The following TXNL1 variants were observed in gnomAD, a reference collection of about 807,000 sequenced individuals.
TXNL1 encodes the protein thioredoxin like 1, also known as thioredoxin-like protein 1.
TXNL1 carries 14 observed loss-of-function variants against 35.5 expected under a neutral mutation model. That is an observed-to-expected ratio of 0.39 (90% CI 0.26 to 0.62). The LOEUF (loss-of-function observed/expected upper bound fraction) is 0.62. Ranked by LOEUF, TXNL1 falls within the 20% of genes least tolerant of loss-of-function variation. The probability of loss-of-function intolerance (pLI) is 0.47; values close to 1 mark genes in which losing one functional copy is unlikely to be tolerated. For missense variants in TXNL1, 263 were observed against 349.7 expected (o/e 0.75, Z 1.98); for synonymous variants, 110 against 115.5 (o/e 0.95, Z 0.31).
intron 5 of TXNL1, among the ~76,000 whole-genome samples, chr18:56,615,477 G>GA (rs916854759): frequency 2.0e-5 from 3 of 148,240 alleles, no homozygotes; most frequent in Non-Finnish European, 1.5e-5. Flanking sequence ...AAATGGGGGG[G>GA]GGCAAAAAAG....
At chr18:56,638,281 A>C in intron 1 of TXNL1, 62 bp downstream of exon 1, 3 of 1,503,486 alleles carry the variant, frequency 2.0e-6, no homozygotes, top group Non-Finnish European at 2.7e-6. Flanking sequence ...AGGGCCAACA[A>C]AGAGTGAAAG....
At position 56,614,971 on chromosome 18, in the gene TXNL1, T is replaced by C. The variant is rs1255674843; in HGVS notation, c.563-375A>G. Among the ~76,000 whole-genome samples the C allele has an allele frequency of 5.3e-5, 8 of 152,194 alleles. No individual in the cohort carries two copies. The East Asian group carries it at 9.6e-4, about 18-fold the overall frequency. On this transcript the variant is annotated intron_variant, in intron 5 of 7. Coordinates refer to ENST00000217515, the MANE Select transcript of TXNL1 (RefSeq NM_004786.3). ...ATAGATTCTGACAATATATGCAGGT[T>C]AACAAAAAGTTTCATAAAAGAAATA... is the stretch of plus-strand genomic sequence containing the variant.
intron 4 of TXNL1, 143 bp from the exon 5 acceptor site, chr18:56,616,457 G>C (rs1201421456): frequency 3.0e-6 from 2 of 661,764 alleles, no homozygotes; most frequent in Non-Finnish European, 5.1e-6. Context: ...TGAAAAATCA[G>C]CAAGTGGAGA....
intron 7 of TXNL1, among the ~76,000 whole-genome samples, chr18:56,606,472 G>A (rs2023895463): frequency 6.6e-6 from 1 of 152,174 alleles, no homozygotes; most frequent in Non-Finnish European, 1.5e-5. Flanking sequence ...CATGTGACTT[G>A]TCCTTGAACG....
chr18:56,617,604 C>T (rs1379727621), intron 4 of TXNL1, among the ~76,000 whole-genome samples: 1 of 152,184 alleles, frequency 6.6e-6, no homozygotes, highest in Non-Finnish European at 1.5e-5. Flanking sequence ...GAATATAATA[C>T]AGGTTTCTAT....
At chr18:56,606,989 T>C (rs901292463) in intron 7 of TXNL1, among the ~76,000 whole-genome samples, 8 of 152,118 alleles carry the variant, frequency 5.3e-5, no homozygotes, top group African/African-American at 1.9e-4. Context: ...GTTAATCTTT[T>C]TTATTTTTCT....
chr18:56,620,979 C>T (rs1198202730), intron 3 of TXNL1, among the ~76,000 whole-genome samples: 2 of 152,098 alleles, frequency 1.3e-5, no homozygotes, highest in Non-Finnish European at 2.9e-5. Flanking sequence ...CAGAATTATT[C>T]GGAGCATTAT....
At chr18:56,625,566 C>T (rs972655475) in intron 2 of TXNL1, among the ~76,000 whole-genome samples, 11 of 152,098 alleles carry the variant, frequency 7.2e-5, no homozygotes, top group African/African-American at 2.7e-4. Context: ...CATTTTCATT[C>T]TAGAAATAGT....
At chr18:56,610,685 C>T (rs1199471864) in intron 7 of TXNL1, 2 of 161,812 alleles carry the variant, frequency 1.2e-5, no homozygotes, top group African/African-American at 4.8e-5. Context: ...AATGATTTTA[C>T]TTTCATTTTT....
rs986963994 is a variant in TXNL1 at position 56,598,924 on chromosome 18, G to T, written c.*4103C>A. 6.6e-6 allele frequency: 1 copy of T among 152,180 alleles called. No individual in the cohort carries two copies. The highest frequency in any genetic ancestry group is 1.5e-5 in the Non-Finnish European group (1 of 68,024). The allele number at this position is 152,180 out of a possible 1,614,324, so 9.4% of individuals were successfully genotyped here. ...TGCTCCTAGGTAGTATGATGAGCCA[G>T]TATCTCCAAATGCGTGTCCAATTAT... On this transcript the variant is annotated 3_prime_UTR_variant, in exon 8 of 8. Coordinates refer to ENST00000217515, the MANE Select transcript of TXNL1 (RefSeq NM_004786.3).
intron 1 of TXNL1, 122 bp downstream of exon 1, chr18:56,638,209 CGGCAGCTCCTGG>C (rs2144348924): frequency 2.3e-6 from 2 of 887,126 alleles, no homozygotes; most frequent in East Asian, 3.1e-5. Context: ...GGCCTAATTC[CGGCAGCTCCTGG>C]GGCTGCGGCG....
intron 6 of TXNL1, among the ~76,000 whole-genome samples, chr18:56,612,944 C>T (rs962235692): frequency 6.6e-6 from 1 of 151,880 alleles, no homozygotes; most frequent in Non-Finnish European, 1.5e-5. Context: ...CCTCAATCTC[C>T]CAGGCTCAAG....
intron 6 of TXNL1, among the ~76,000 whole-genome samples, chr18:56,611,752 G>A (rs954059029): frequency 2.6e-5 from 4 of 151,230 alleles, no homozygotes; most frequent in African/African-American, 9.7e-5. Flanking sequence ...GGAGTGCAAT[G>A]GCACGATCTC....
At chr18:56,612,157 G>C (rs577636935) in intron 6 of TXNL1, among the ~76,000 whole-genome samples, 1 of 150,850 alleles carries the variant, frequency 6.6e-6, no homozygotes, top group Non-Finnish European at 1.5e-5. Flanking sequence ...GTGAGCCACC[G>C]CGCCCAGCAA....
At chr18:56,628,209 A>G (rs553380015) in intron 1 of TXNL1, among the ~76,000 whole-genome samples, 3 of 152,304 alleles carry the variant, frequency 2.0e-5, no homozygotes, top group African/African-American at 7.2e-5. Flanking sequence ...AAATAGCTAC[A>G]AGAAGAATTA....
At chr18:56,630,141 C>T (rs1331424318) in intron 1 of TXNL1, among the ~76,000 whole-genome samples, 1 of 151,414 alleles carries the variant, frequency 6.6e-6, no homozygotes, top group Non-Finnish European at 1.5e-5. Context: ...TGTAGTTAAG[C>T]CAAGGTCACC....
chr18:56,628,420 C>G (rs928615817), intron 1 of TXNL1, among the ~76,000 whole-genome samples: 1 of 152,066 alleles, frequency 6.6e-6, no homozygotes, highest in Non-Finnish European at 1.5e-5. Flanking sequence ...AGTCAAAAAT[C>G]AGAAACAATT....
At chr18:56,615,622 G>C (rs2144299835) in intron 5 of TXNL1, among the ~76,000 whole-genome samples, 1 of 152,056 alleles carries the variant, frequency 6.6e-6, no homozygotes, top group South Asian at 2.1e-4. Context: ...CAAAATAAAA[G>C]GAATTTGAAA....
intron 3 of TXNL1, among the ~76,000 whole-genome samples, chr18:56,618,484 T>C (rs989455242): frequency 3.3e-5 from 5 of 152,230 alleles, no homozygotes; most frequent in Non-Finnish European, 7.3e-5. Context: ...AAGGACTCTT[T>C]ATATCTATGA....
Sources: gnomAD v4.1 joint callset for allele counts (sites outside exome capture counted in the v4.1 genomes callset) on GRCh38, gnomAD v4.1.1 for gene constraint, MANE v1.5 for transcripts, NCBI Gene and HGNC (gene_info 2026-07-23, HGNC 2026-07-21) for gene names.